Variants in TRIM29 observed in about 807,000 individuals in gnomAD.
TRIM29 encodes tripartite motif containing 29, also known as tripartite motif-containing protein 29.
Under a neutral mutation model 57.3 loss-of-function variants are expected in TRIM29, and 52 were observed. That is an observed-to-expected ratio of 0.91 (90% confidence interval 0.73 to 1.14). The LOEUF is 1.14. TRIM29 is among the 50% of genes most tolerant of loss of function. TRIM29 has a pLI of 0.00. For missense variants in TRIM29, 753 were observed against 774.6 expected (o/e 0.97, Z 0.33); for synonymous variants, 319 against 316.9 (o/e 1.01, Z -0.07).
chr11:120,121,876 G>A (rs1168824115), intron 5 of TRIM29: 13 of 412,908 alleles, frequency 3.1e-5, no homozygotes, highest in Admixed American at 1.6e-4. Flanking sequence ...GGGCCAGGGC[G>A]AGGCCAGGTA....
At position 120,137,997 on chromosome 11, in the gene TRIM29, G is replaced by A. The variant is rs1240167497; in HGVS notation, c.35C>T (p.Ser12Leu). The A allele has an allele frequency of 1.9e-6, 3 of 1,602,106 alleles. No individual in the cohort carries two copies. The highest frequency in any genetic ancestry group is 2.2e-5 in the South Asian group (2 of 90,958). ...CCGGGCATCCCTGGCTTCTGGGCTCGACCCGTTGCTCCTGGAGGCATCTGC... is the reference window on the plus strand; with the variant it reads ...CCGGGCATCCCTGGCTTCTGGGCTCAACCCGTTGCTCCTGGAGGCATCTGC... ...EAADASRSNG[S>L]SPEARDARSP... The change falls in exon 1 of 9, where the codon TCG (serine) becomes TTG (leucine). Residue 12 changes from serine to leucine, a missense_variant. Physicochemically the swap from Ser to Leu is moderately radical, Grantham distance 145. Transcript: ENST00000341846. The surrounding 1 kb of genome is among the most constrained non-coding windows in gnomAD (Gnocchi z 6.2).
rs1285257880 is a variant in TRIM29 at position 120,122,879 on chromosome 11, A to G, written c.1435+75T>C. 7 of 1,213,112 alleles carry G rather than the reference A, an allele frequency of 5.8e-6. No individual in the cohort carries two copies. The Admixed American group carries it at 1.1e-4, about 19-fold the overall frequency. The allele number at this position is 1,213,112 out of a possible 1,614,324, so 75.1% of individuals were successfully genotyped here. A position where few individuals can be genotyped will look rare whatever the true frequency, so the allele number is the denominator to read the frequency against. On this transcript the variant is annotated intron_variant, in intron 5 of 8. Coordinates refer to ENST00000341846, the MANE Select transcript of TRIM29 (RefSeq NM_012101.4). The stretch of plus-strand genomic sequence containing the variant: ...CCCACTCAGAAGGAACCTGGCTGAG[A>G]GTCACTGCACGGACTTTGGGGGCCC...
intron 7 of TRIM29, chr11:120,116,952 C>A (rs1433227667): frequency 2.5e-6 from 1 of 402,766 alleles, no homozygotes; most frequent in African/African-American, 2.1e-5. Context: ...GGAAAATGGG[C>A]AGATACCGGG....
rs375131449 is a variant in TRIM29 at position 120,120,585 on chromosome 11, A to G, written c.1516T>C (p.Tyr506His). The change falls in exon 6 of 9, where the codon TAT (tyrosine) becomes CAT (histidine). Residue 506 changes from tyrosine (Y) to histidine (H), a missense_variant. Coordinates refer to ENST00000341846, the MANE Select transcript of TRIM29 (RefSeq NM_012101.4). ...ETTQKNFNNL[Y>H]GTKGNYTSRV... is the part of the protein sequence containing the mutation. Reference sequence around the variant, plus strand: ...AGCCACCACCTACCTTTGGTGCCATAGAGATTGTTGAAATTCTTCTGGGTG... The same window carrying G: ...AGCCACCACCTACCTTTGGTGCCATGGAGATTGTTGAAATTCTTCTGGGTG... 1.9e-5 allele frequency: 30 copies of G among 1,612,778 alleles called. No homozygotes were observed. The African/African-American group carries it at 4.0e-4, about 22-fold the overall frequency.
At chr11:120,123,779 C>A in intron 4 of TRIM29, 1 of 320,700 alleles carries the variant, frequency 3.1e-6, no homozygotes, top group African/African-American at 2.2e-5. Context: ...GCCTGAGACC[C>A]TCATTCTTCA....
At chr11:120,128,749 T>A in intron 1 of TRIM29, 1 of 1,535,326 alleles carries the variant, frequency 6.5e-7, no homozygotes, top group Non-Finnish European at 8.7e-7. Context: ...ATCCTAGCCA[T>A]GTCTTTTTAA....
intron 3 of TRIM29, 196 bp from the exon 4 acceptor site, chr11:120,126,085 C>T: frequency 1.7e-6 from 1 of 602,104 alleles, no homozygotes. Flanking sequence ...CCTGATGGCA[C>T]TAGCGTTCAG....
chr11:120,118,001 G>A (rs926945072), intron 7 of TRIM29: 6 of 576,026 alleles, frequency 1.0e-5, no homozygotes, highest in African/African-American at 1.9e-5. Context: ...AGAGACTAGA[G>A]AGCGGTGAAA....
chr11:120,127,444 T>C lies in TRIM29; in HGVS notation c.1026A>G (p.Gln342=), dbSNP rs1348134950. The part of the protein sequence containing the change: ...LEQREQDAVD[Q]VKVIMDALDE... ...CCAGAGCATCCATGATCACCTTCAC[T>C]TGGTCCACAGCATCCTGCTCCCGCT... is the stretch of plus-strand genomic sequence containing the variant. Residue 342 remains glutamine (Q), a synonymous_variant, in exon 3 of 9, where the codon CAA becomes CAG. Transcript: ENST00000341846. 1.9e-6 allele frequency: 3 copies of C among 1,613,980 alleles called. No homozygotes were observed. Among genetic ancestry groups the C allele is most frequent in the Admixed American group, 1.7e-5 (1 of 59,980 alleles).
At chr11:120,118,075 A>G (rs1863323135) in intron 7 of TRIM29, 148 bp downstream of exon 7, 1 of 723,538 alleles carries the variant, frequency 1.4e-6, no homozygotes, top group Non-Finnish European at 2.4e-6. Context: ...AGCAAAGACC[A>G]TGGCGGTAGC....
At chr11:120,122,671 G>A (rs149400684) in intron 5 of TRIM29, among the ~76,000 whole-genome samples, 1 of 152,328 alleles carries the variant, frequency 6.6e-6, no homozygotes, top group East Asian at 1.9e-4. Context: ...AAGTGAGAAG[G>A]CAAGGAGGGC....
chr11:120,115,463 GGGT>G, intron 7 of TRIM29, 49 bp from the exon 8 acceptor site: 2 of 1,539,350 alleles, frequency 1.3e-6, no homozygotes, highest in Non-Finnish European at 1.8e-6. Flanking sequence ...TGGTGGTCAG[GGGT>G]GCCCGGGCCC....
chr11:120,115,486 C>G, intron 7 of TRIM29, 72 bp from the exon 8 acceptor site: 2 of 1,313,564 alleles, frequency 1.5e-6, no homozygotes, highest in East Asian at 2.3e-5. Flanking sequence ...CAGAGCAGCA[C>G]AGCTGCCTTC....
chr11:120,134,629 GGTGCACATGTGT>G (rs1863782952), intron 1 of TRIM29, among the ~76,000 whole-genome samples: 1 of 152,180 alleles, frequency 6.6e-6, no homozygotes, highest in African/African-American at 2.4e-5. Context: ...CTATGCTGCA[GGTGCACATGTGT>G]GTGCACACAC....
intron 1 of TRIM29, among the ~76,000 whole-genome samples, chr11:120,136,426 A>G (rs1021202937): frequency 7.2e-5 from 11 of 152,240 alleles, no homozygotes; most frequent in Non-Finnish European, 2.9e-5. Flanking sequence ...CTTTCACATC[A>G]TTGTAAATCA....
At chr11:120,136,058 T>C (rs932003200) in intron 1 of TRIM29, among the ~76,000 whole-genome samples, 2 of 152,108 alleles carry the variant, frequency 1.3e-5, no homozygotes, top group Non-Finnish European at 2.9e-5. Context: ...CCCATAGAAG[T>C]ACAGGCACAG....
At chr11:120,130,095 T>A (rs1863688245) in intron 1 of TRIM29, among the ~76,000 whole-genome samples, 1 of 151,938 alleles carries the variant, frequency 6.6e-6, no homozygotes, top group Non-Finnish European at 1.5e-5. Flanking sequence ...ACCCTCACAC[T>A]CTCTGACGAT....
chr11:120,126,857 T>C (rs532203263), intron 3 of TRIM29, among the ~76,000 whole-genome samples: 5 of 152,252 alleles, frequency 3.3e-5, no homozygotes, highest in African/African-American at 9.6e-5. Flanking sequence ...GCAGAAACCA[T>C]GTCTTGTACT....
rs746451868 is a variant in TRIM29 at position 120,112,055 on chromosome 11, G to A, written c.*359C>T. 5.2e-5 allele frequency: 15 copies of A among 287,388 alleles called. No individual in the cohort carries two copies. The highest frequency in any genetic ancestry group is 9.2e-5 in the African/African-American group (4 of 43,466). 17.8% of individuals were successfully genotyped at this position (287,388 alleles called of 1,614,324 possible). A position where few individuals can be genotyped will look rare whatever the true frequency, so the allele number is the denominator to read the frequency against. ...GAGACAGCAGGGCGTGGGCGGGAGA[G>A]GCAGGCTGATACCATGCGGGTACTC... On this transcript the variant is annotated 3_prime_UTR_variant, in exon 9 of 9. Coordinates refer to ENST00000341846, the MANE Select transcript of TRIM29 (RefSeq NM_012101.4).
Sources: gnomAD v4.1 joint callset for allele counts (sites outside exome capture counted in the v4.1 genomes callset) on GRCh38, gnomAD v4.1.1 for gene constraint, Gnocchi (gnomAD v3.1) non-coding constraint, MANE v1.5 for transcripts, NCBI Gene and HGNC (gene_info 2026-07-23, HGNC 2026-07-21) for gene names.